The following WDFY3 variants were observed in gnomAD, a reference collection of about 807,000 sequenced individuals.
WDFY3 encodes WD repeat and FYVE domain-containing protein 3.
Under a neutral mutation model 409.6 loss-of-function variants are expected in WDFY3, and 66 were observed. The ratio of observed to expected loss-of-function variants is 0.16; its 90% CI spans 0.13 to 0.20. The LOEUF is 0.20. Ranked by LOEUF, WDFY3 falls within the 10% of genes least tolerant of loss-of-function variation. The pLI, the probability that WDFY3 is intolerant of heterozygous loss-of-function variation, is 1.00. For missense variants in WDFY3, 3,031 were observed against 4,298.1 expected (o/e 0.71, Z 8.24); for synonymous variants, 1,521 against 1,537.1 (o/e 0.99, Z 0.25).
Position 84,899,605 on chromosome 4 carries a change from C to T in WDFY3, c.-131-2595G>A, listed in dbSNP as rs187154072. 2.2e-3 allele frequency among the ~76,000 whole-genome samples: 331 copies of T among 152,244 alleles called. 7 individuals carry two copies. The highest frequency in any genetic ancestry group is 3.7e-4 in the Non-Finnish European group (25 of 68,022). On this transcript the variant is annotated intron_variant, in intron 2 of 67. Coordinates refer to ENST00000295888, the MANE Select transcript of WDFY3 (RefSeq NM_014991.6). ...TAAATAAAGTTTTATTGGAACACATCCACATTCATTTACTTACGTATTGTC... is the reference window on the plus strand; with the variant it reads ...TAAATAAAGTTTTATTGGAACACATTCACATTCATTTACTTACGTATTGTC...
At chr4:84,728,727 T>C (rs1195787516) in intron 44 of WDFY3, among the ~76,000 whole-genome samples, 1 of 152,124 alleles carries the variant, frequency 6.6e-6, no homozygotes, top group Non-Finnish European at 1.5e-5. Context: ...ATTTAATACA[T>C]ATTTGCTCAC....
At chr4:84,836,567 A>C (rs186235974) in intron 7 of WDFY3, among the ~76,000 whole-genome samples, 1 of 152,098 alleles carries the variant, frequency 6.6e-6, no homozygotes, top group East Asian at 1.9e-4. Context: ...CCTGTATATA[A>C]ACAGCAACTA....
Position 84,941,706 on chromosome 4 carries a change from T to TC in WDFY3, c.-225-9344dup, listed in dbSNP as rs201200832. The stretch of plus-strand genomic sequence containing the variant: ...CTCTAAAATTTACACAAAAAAGAAA[T>TC]CAAGAATAGTCAAAACGATTTGGAA... On this transcript the variant is annotated intron_variant, in intron 1 of 67. Transcript: ENST00000295888. Among the ~76,000 whole-genome samples, 1,123 of 151,930 alleles carry TC rather than the reference T, an allele frequency of 7.4e-3. 13 individuals are homozygous for TC. The highest frequency in any genetic ancestry group is 0.026 in the African/African-American group (1,077 of 41,490).
At chr4:84,782,807 T>C (rs1161442008) in intron 25 of WDFY3, among the ~76,000 whole-genome samples, 156 bp downstream of exon 25, 4 of 152,220 alleles carry the variant, frequency 2.6e-5, no homozygotes, top group Non-Finnish European at 4.4e-5. Context: ...TGACTGGAAT[T>C]TGAGATTGTT....
chr4:84,689,352 A>G (rs1028559250), intron 61 of WDFY3, among the ~76,000 whole-genome samples: 6 of 152,242 alleles, frequency 3.9e-5, no homozygotes, highest in Admixed American at 2.0e-4. Context: ...AAACCCCAGG[A>G]AACTATTTTA....
At chr4:84,754,751 G>A (rs1741140332) in intron 34 of WDFY3, among the ~76,000 whole-genome samples, 1 of 152,056 alleles carries the variant, frequency 6.6e-6, no homozygotes, top group Admixed American at 6.5e-5. Flanking sequence ...TAACATTTCT[G>A]ACCTCTAAAT....
intron 15 of WDFY3, among the ~76,000 whole-genome samples, chr4:84,807,148 C>T (rs767360969): frequency 1.1e-4 from 17 of 152,088 alleles, no homozygotes; most frequent in Non-Finnish European, 1.6e-4. Flanking sequence ...TTCAAACACA[C>T]ACATTTTTTA....
chr4:84,725,821 G>A (rs192702150), intron 45 of WDFY3, among the ~76,000 whole-genome samples: 4 of 152,168 alleles, frequency 2.6e-5, no homozygotes, highest in Admixed American at 2.0e-4. Flanking sequence ...GGTGAGACAT[G>A]TAGAATGAGA....
intron 3 of WDFY3, among the ~76,000 whole-genome samples, chr4:84,866,341 T>G (rs2150262925): frequency 6.6e-6 from 1 of 152,298 alleles, no homozygotes; most frequent in East Asian, 1.9e-4. Context: ...GCAAGAGATC[T>G]AAGGCCAACT....
chr4:84,955,984 T>A (rs1216113080), intron 1 of WDFY3, among the ~76,000 whole-genome samples: 1 of 152,010 alleles, frequency 6.6e-6, no homozygotes, highest in Non-Finnish European at 1.5e-5. Context: ...AGTTGTCCTT[T>A]GAAAAAAAAA....
At chr4:84,859,776 T>C (rs1760318745) in intron 4 of WDFY3, among the ~76,000 whole-genome samples, 1 of 152,108 alleles carries the variant, frequency 6.6e-6, no homozygotes, top group Non-Finnish European at 1.5e-5. Flanking sequence ...GGTCTCACCA[T>C]GTTGGCCAGG....
chr4:84,943,378 C>A (rs541103900), intron 1 of WDFY3, among the ~76,000 whole-genome samples: 1 of 151,950 alleles, frequency 6.6e-6, no homozygotes, highest in Admixed American at 6.6e-5. Flanking sequence ...GTGGTGGGCA[C>A]CTGTAGTCCC....
intron 36 of WDFY3, among the ~76,000 whole-genome samples, chr4:84,747,118 C>T (rs932566122): frequency 3.3e-5 from 5 of 152,144 alleles, no homozygotes; most frequent in Non-Finnish European, 5.9e-5. Flanking sequence ...CTCTGGTGGT[C>T]AGATCTGTTT....
intron 2 of WDFY3, among the ~76,000 whole-genome samples, chr4:84,911,501 A>C (rs946005681): frequency 2.0e-5 from 3 of 152,178 alleles, no homozygotes; most frequent in Admixed American, 6.5e-5. Flanking sequence ...AAAAGAAAAA[A>C]GGGCAAAGGA....
At chr4:84,899,497 G>A (rs1766068163) in intron 2 of WDFY3, among the ~76,000 whole-genome samples, 1 of 152,098 alleles carries the variant, frequency 6.6e-6, no homozygotes, top group Non-Finnish European at 1.5e-5. Flanking sequence ...ATGATAAATT[G>A]CAATCCCATT....
chr4:84,841,432 C>G (rs1449669279), intron 5 of WDFY3, among the ~76,000 whole-genome samples, 169 bp from the exon 6 acceptor site: 1 of 152,030 alleles, frequency 6.6e-6, no homozygotes, highest in African/African-American at 2.4e-5. Flanking sequence ...ATTCATAAAC[C>G]TTTATATCAT....
chr4:84,718,428 G>C lies in WDFY3; in HGVS notation c.7748C>G (p.Pro2583Arg). ...TCTTCATTCATTTACTTACTTTGGA[G>C]GTAAGGTTTCAATATCTCTTATTTC... ...TREIRDIETL[P>R]PNMHEPIIPR... The change falls in exon 48 of 68, where the codon CCT becomes CGT. Residue 2583 changes from proline to arginine, a missense_variant. Physicochemically the swap from Pro to Arg is moderately radical, Grantham distance 103. Transcript: ENST00000295888. 1 of 1,612,912 alleles carries C rather than the reference G, an allele frequency of 6.2e-7. No homozygotes were observed. Among genetic ancestry groups the C allele is most frequent in the Non-Finnish European group, 8.5e-7 (1 of 1,179,400 alleles).
intron 23 of WDFY3, 151 bp from the exon 24 acceptor site, chr4:84,786,290 T>A: frequency 1.4e-6 from 1 of 728,856 alleles, no homozygotes; most frequent in Non-Finnish European, 2.1e-6. Flanking sequence ...TCTCAGCTCT[T>A]CATTTATTTC....
chr4:84,929,396 A>G (rs1285061702), intron 2 of WDFY3, among the ~76,000 whole-genome samples: 3 of 152,122 alleles, frequency 2.0e-5, no homozygotes, highest in South Asian at 2.1e-4. Flanking sequence ...ATCAACAAAA[A>G]CAGATAATGT....
Sources: allele counts gnomAD v4.1 joint callset (sites outside exome capture counted in the v4.1 genomes callset), GRCh38; gene constraint gnomAD v4.1.1; transcripts MANE v1.5; gene names NCBI Gene and HGNC (gene_info 2026-07-23, HGNC 2026-07-21).